FEZ2: variants seen among roughly 807,000 people sequenced by gnomAD.
FEZ2 encodes fasciculation and elongation protein zeta 2.
Under a neutral mutation model 40.4 loss-of-function variants are expected in FEZ2, and 51 were observed. That is an observed-to-expected ratio of 1.26 (90% CI 1.01 to 1.59). FEZ2 has a LOEUF of 1.59. Ranked by LOEUF, FEZ2 falls within the 40% of genes most tolerant of loss-of-function variation. FEZ2 has a pLI of 0.00. For synonymous variants in FEZ2, 242 were observed against 172.0 expected (o/e 1.41, Z -3.18); for missense variants, 640 against 438.3 (o/e 1.46, Z -4.11).
intron 1 of FEZ2, among the ~76,000 whole-genome samples, chr2:36,594,750 A>G (rs1490442361): frequency 6.6e-6 from 1 of 152,258 alleles, no homozygotes; most frequent in African/African-American, 2.4e-5. Context: ...AGGTGAAGAC[A>G]GTCCAGAATT....
intron 5 of FEZ2, among the ~76,000 whole-genome samples, chr2:36,566,381 T>C: frequency 6.8e-6 from 1 of 147,022 alleles, no homozygotes; most frequent in South Asian, 2.2e-4. Context: ...AATGGGGAGG[T>C]AGAGTGCACA....
At chr2:36,586,787 T>C (rs111280835) in intron 2 of FEZ2, among the ~76,000 whole-genome samples, 3 of 151,930 alleles carry the variant, frequency 2.0e-5, no homozygotes, top group Non-Finnish European at 4.4e-5. Flanking sequence ...CAGAAATATA[T>C]TTTCTTAAAA....
chr2:36,578,449 T>C lies in FEZ2; in HGVS notation c.903+148A>G, dbSNP rs138128277. ...CTGAAGAAGCTGAGCACAGCGGTAT[T>C]CTGGAATAAAATCCCACTGGGCTCT... On this transcript the variant is annotated intron_variant, in intron 5 of 7. Transcript: ENST00000405912. The C allele has an allele frequency of 6.1e-3, 5,215 of 850,020 alleles. 33 individuals carry two copies. The highest frequency in any genetic ancestry group is 7.5e-3 in the Non-Finnish European group (3,991 of 532,844). The allele number at this position is 850,020 out of a possible 1,614,324, so 52.7% of individuals were successfully genotyped here.
At chr2:36,566,507 T>C (rs1668244416) in intron 5 of FEZ2, among the ~76,000 whole-genome samples, 1 of 152,140 alleles carries the variant, frequency 6.6e-6, no homozygotes, top group Non-Finnish European at 1.5e-5. Flanking sequence ...AAATGTCAGA[T>C]ACTTCTTTCA....
At chr2:36,572,745 C>CA (rs1668452647) in intron 5 of FEZ2, among the ~76,000 whole-genome samples, 1 of 152,000 alleles carries the variant, frequency 6.6e-6, no homozygotes, top group South Asian at 2.1e-4. Context: ...AAAAAAATTC[C>CA]AAATTAAAAA....
At chr2:36,590,555 C>G (rs921187177) in intron 2 of FEZ2, 2 of 180,712 alleles carry the variant, frequency 1.1e-5, no homozygotes, top group African/African-American at 4.7e-5. Context: ...GTAATCCCAG[C>G]TACTCGGGAG....
chr2:36,572,706 G>A (rs1394120747), intron 5 of FEZ2, among the ~76,000 whole-genome samples: 1 of 152,104 alleles, frequency 6.6e-6, no homozygotes, highest in Non-Finnish European at 1.5e-5. Context: ...ACAATCCCTG[G>A]TTTAAATCAT....
chr2:36,570,755 A>G (rs918636274), intron 5 of FEZ2, among the ~76,000 whole-genome samples: 3 of 152,228 alleles, frequency 2.0e-5, no homozygotes, highest in African/African-American at 7.2e-5. Context: ...CAGTAACACA[A>G]TGGTAAGTAT....
chr2:36,585,102 A>AG (rs201244427), intron 2 of FEZ2, among the ~76,000 whole-genome samples: 1 of 152,140 alleles, frequency 6.6e-6, no homozygotes, highest in Non-Finnish European at 1.5e-5. Context: ...GCTTCCAGGG[A>AG]GGGAAAAAAA....
chr2:36,555,072 G>A (rs140101826), intron 7 of FEZ2, among the ~76,000 whole-genome samples: 7 of 151,934 alleles, frequency 4.6e-5, no homozygotes, highest in African/African-American at 9.7e-5. Context: ...CTCTTTTCTC[G>A]GCAAAGCAAC....
intron 2 of FEZ2, among the ~76,000 whole-genome samples, chr2:36,587,365 T>C (rs998661688): frequency 6.6e-6 from 1 of 152,200 alleles, no homozygotes; most frequent in Non-Finnish European, 1.5e-5. Flanking sequence ...CCCTTCAGCA[T>C]TAAATGTGCC....
chr2:36,563,837 T>A (rs1668159269), intron 5 of FEZ2, among the ~76,000 whole-genome samples: 1 of 152,174 alleles, frequency 6.6e-6, no homozygotes, highest in Non-Finnish European at 1.5e-5. Context: ...TTCCTTGGAT[T>A]CAGAGACACC....
At chr2:36,595,724 G>A (rs938186688) in intron 1 of FEZ2, among the ~76,000 whole-genome samples, 4 of 152,134 alleles carry the variant, frequency 2.6e-5, no homozygotes, top group African/African-American at 4.8e-5. Flanking sequence ...GTATGTTTTT[G>A]CAATATAAAA....
intron 5 of FEZ2, among the ~76,000 whole-genome samples, chr2:36,571,252 C>T (rs75760809): frequency 6.6e-6 from 1 of 152,206 alleles, no homozygotes; most frequent in South Asian, 2.1e-4. Flanking sequence ...CAATGACCTT[C>T]TATCATGCTA....
At chr2:36,578,961 T>C in intron 4 of FEZ2, 96 bp from the exon 5 acceptor site, 5 of 974,900 alleles carry the variant, frequency 5.1e-6, no homozygotes, top group Non-Finnish European at 6.2e-6. Context: ...TAAACACCTA[T>C]GTAATCAATG....
intron 3 of FEZ2, 40 bp downstream of exon 3, chr2:36,583,313 G>GA (rs2125237188): frequency 9.9e-7 from 1 of 1,011,004 alleles, no homozygotes; most frequent in South Asian, 1.5e-5. Flanking sequence ...TTCAGCTCTA[G>GA]AGTCTCCTTT....
At chr2:36,556,082 G>T (rs567865806) in intron 6 of FEZ2, 27 of 492,610 alleles carry the variant, frequency 5.5e-5, no homozygotes, top group South Asian at 4.1e-4. Context: ...CCGGAAAGTG[G>T]GTTACTATAA....
intron 2 of FEZ2, among the ~76,000 whole-genome samples, 166 bp from the exon 3 acceptor site, chr2:36,583,635 C>A (rs1299656307): frequency 3.9e-5 from 6 of 152,140 alleles, no homozygotes; most frequent in Admixed American, 3.9e-4. Flanking sequence ...ATATATTCAT[C>A]TTGAACAGAA....
In FEZ2 at chr2:36,558,499, G is replaced by T. The variant is rs1248840849; in HGVS notation, c.918C>A (p.Val306=). The change falls in exon 6 of 8, where the codon GTC becomes GTA. Residue 306 remains valine (V), a synonymous_variant. Transcript: ENST00000405912. ...GTCCGTTTTTTTTCTCATAAGGAAT[G>T]ACTGTAGTCAAATACTGCCAAGTTT... The part of the protein sequence containing the change: ...SHMPGTYLTT[V]IPYEKKNGPP... 2.0e-6 allele frequency: 3 copies of T among 1,511,700 alleles called. No individual in the cohort carries two copies. In the South Asian group the frequency reaches 3.9e-5, roughly 20 times the overall value. The allele number at this position is 1,511,700 out of a possible 1,614,324, so 93.6% of individuals were successfully genotyped here. A position where few individuals can be genotyped will look rare whatever the true frequency, so the allele number is the denominator to read the frequency against.
Sources: allele counts gnomAD v4.1 joint callset (sites outside exome capture counted in the v4.1 genomes callset), GRCh38; gene constraint gnomAD v4.1.1; transcripts MANE v1.5; gene names NCBI Gene and HGNC (gene_info 2026-07-23, HGNC 2026-07-21).